The following SLIT3 variants were observed in gnomAD, a reference collection of about 807,000 sequenced individuals.
SLIT3 encodes the protein slit guidance ligand 3, also known as slit homolog 3 protein.
In SLIT3, 68 loss-of-function variants were observed where a neutral mutation model predicts 184.0. The observed-to-expected ratio is 0.37, with a 90% CI of 0.30 to 0.45. The LOEUF (loss-of-function observed/expected upper bound fraction) is 0.45, where lower values mean the gene tolerates loss of function less well. Ranked by LOEUF, SLIT3 falls within the 20% of genes least tolerant of loss-of-function variation. The pLI, the probability that SLIT3 is intolerant of heterozygous loss-of-function variation, is 1.00. For missense variants in SLIT3, 1,707 were observed against 2,026.0 expected, an observed-to-expected ratio of 0.84 and a Z score of 3.02; for synonymous variants, 831 against 828.6, an observed-to-expected ratio of 1.00 and a Z score of -0.05.
chr5:169,245,296 A>T (rs1021546315), intron 2 of SLIT3, among the ~76,000 whole-genome samples: 13 of 152,072 alleles, frequency 8.5e-5, no homozygotes, highest in African/African-American at 2.9e-4. Context: ...TCTCATGATG[A>T]TGGTCCTAAA....
At chr5:169,280,773 T>C (rs1247084163) in intron 1 of SLIT3, among the ~76,000 whole-genome samples, 1 of 152,128 alleles carries the variant, frequency 6.6e-6, no homozygotes, top group Non-Finnish European at 1.5e-5. Flanking sequence ...CTCAGGTCTG[T>C]CTCCCTCCCA....
At chr5:168,983,736 AT>A (rs1186228190) in intron 4 of SLIT3, among the ~76,000 whole-genome samples, 1 of 152,232 alleles carries the variant, frequency 6.6e-6, no homozygotes. Flanking sequence ...TTATGTACTT[AT>A]TTAAAACAGT....
chr5:169,199,523 A>T (rs1027689570), intron 3 of SLIT3, among the ~76,000 whole-genome samples: 1 of 152,226 alleles, frequency 6.6e-6, no homozygotes, highest in Admixed American at 6.5e-5. Context: ...GACAGCTAAT[A>T]GCAGTAGTTA....
At chr5:168,748,743 C>A (rs1196409097) in intron 19 of SLIT3, among the ~76,000 whole-genome samples, 1 of 152,142 alleles carries the variant, frequency 6.6e-6, no homozygotes, top group Non-Finnish European at 1.5e-5. Flanking sequence ...GGGGGCAGAG[C>A]CTTGTCTTTT....
intron 3 of SLIT3, among the ~76,000 whole-genome samples, chr5:169,208,088 A>G (rs988303356): frequency 2.0e-5 from 3 of 152,238 alleles, no homozygotes; most frequent in Admixed American, 6.5e-5. Flanking sequence ...AAGAAAAAAA[A>G]GAAAAGGAAA....
At chr5:169,035,430 A>T (rs937786190) in intron 4 of SLIT3, among the ~76,000 whole-genome samples, 3 of 152,058 alleles carry the variant, frequency 2.0e-5, no homozygotes, top group Non-Finnish European at 1.5e-5. Context: ...CAGGTGGATC[A>T]TGAGGTCAGG....
intron 4 of SLIT3, among the ~76,000 whole-genome samples, chr5:168,906,963 C>T (rs566235557): frequency 5.9e-5 from 9 of 152,090 alleles, no homozygotes; most frequent in Admixed American, 2.0e-4. Flanking sequence ...CAGGTTCAAG[C>T]GATTCTCCTG....
chr5:168,915,402 C>G (rs904922544), intron 4 of SLIT3, among the ~76,000 whole-genome samples: 2 of 152,082 alleles, frequency 1.3e-5, no homozygotes, highest in Non-Finnish European at 2.9e-5. Context: ...TGATCAATCT[C>G]GGCATGACAA....
intron 4 of SLIT3, among the ~76,000 whole-genome samples, chr5:169,113,664 T>C (rs189225844): frequency 2.2e-4 from 33 of 150,172 alleles, no homozygotes; most frequent in African/African-American, 7.6e-4. Context: ...TTTTCTTTTT[T>C]TTTTTTTTTT....
intron 5 of SLIT3, among the ~76,000 whole-genome samples, chr5:168,865,727 A>G (rs551526039): frequency 6.6e-6 from 1 of 152,342 alleles, no homozygotes; most frequent in Non-Finnish European, 1.5e-5. Context: ...TAAAAAATAA[A>G]ATCATCCAAA....
chr5:168,998,357 T>C (rs1293190987), intron 4 of SLIT3, among the ~76,000 whole-genome samples: 1 of 152,182 alleles, frequency 6.6e-6, no homozygotes, highest in Non-Finnish European at 1.5e-5. Flanking sequence ...AAGGTTACTC[T>C]TCTAGTTATA....
chr5:169,136,398 C>T (rs1341112870), intron 4 of SLIT3, among the ~76,000 whole-genome samples: 1 of 152,204 alleles, frequency 6.6e-6, no homozygotes, highest in Non-Finnish European at 1.5e-5. Context: ...CAGCCACTCC[C>T]TCACAAAGGA....
chr5:169,011,242 T>C (rs1274841058), intron 4 of SLIT3, among the ~76,000 whole-genome samples: 1 of 152,156 alleles, frequency 6.6e-6, no homozygotes, highest in Non-Finnish European at 1.5e-5. Context: ...TAGAAGCCTT[T>C]GTGAACCCTG....
chr5:169,280,738 A>G (rs1273141343), intron 1 of SLIT3, among the ~76,000 whole-genome samples: 7 of 152,176 alleles, frequency 4.6e-5, no homozygotes, highest in African/African-American at 1.4e-4. Context: ...GATGCTGGGC[A>G]GGGCTTTGCT....
chr5:168,718,739 C>CAT, intron 23 of SLIT3, among the ~76,000 whole-genome samples: 7 of 150,834 alleles, frequency 4.6e-5, no homozygotes, highest in African/African-American at 1.7e-4. Context: ...CATTCTCTCT[C>CAT]TCTCTCTCTT....
At chr5:168,751,370 A>C (rs1035074878) in intron 18 of SLIT3, among the ~76,000 whole-genome samples, 5 of 152,220 alleles carry the variant, frequency 3.3e-5, no homozygotes, top group Non-Finnish European at 7.3e-5. Context: ...AGCCACATGG[A>C]AATACGACGA....
chr5:169,171,255 G>A (rs1021776454), intron 4 of SLIT3, among the ~76,000 whole-genome samples: 2 of 152,182 alleles, frequency 1.3e-5, no homozygotes, highest in Non-Finnish European at 2.9e-5. Context: ...ATTATTTCAC[G>A]TGATGTTTGC....
At chr5:168,690,746 A>G (rs1761883369) in intron 29 of SLIT3, among the ~76,000 whole-genome samples, 1 of 152,180 alleles carries the variant, frequency 6.6e-6, no homozygotes. Context: ...CAGATGAGGT[A>G]GATAGGAATG....
Position 168,669,767 on chromosome 5 carries a change from G to T in SLIT3, c.4336+16C>A. On this transcript the variant is annotated intron_variant, in intron 35 of 35. Coordinates refer to ENST00000519560, the MANE Select transcript of SLIT3 (RefSeq NM_003062.4). ...TGACCCCCACTTCCTCCCTCCCACA[G>T]GCACAGTAGACCCACCTTGTTGGCA... The T allele has an allele frequency of 6.2e-7, 1 of 1,609,934 alleles. No individual in the cohort carries two copies. Among genetic ancestry groups the T allele is most frequent in the Non-Finnish European group, 8.5e-7 (1 of 1,177,466 alleles).
Sources: gnomAD v4.1 joint callset for allele counts (sites outside exome capture counted in the v4.1 genomes callset) on GRCh38, gnomAD v4.1.1 for gene constraint, MANE v1.5 for transcripts, NCBI Gene and HGNC (gene_info 2026-07-23, HGNC 2026-07-21) for gene names.